IL12B: variants seen among roughly 807,000 people sequenced by gnomAD.
The protein encoded by IL12B is interleukin 12B, also known as interleukin-12 subunit beta.
In IL12B, 27 loss-of-function variants were observed where a neutral mutation model predicts 39.2. The ratio of observed to expected loss-of-function variants is 0.69; its 90% CI spans 0.51 to 0.95. The LOEUF (loss-of-function observed/expected upper bound fraction) is 0.95. Among genes scored for constraint, IL12B ranks in the 40% least tolerant of loss-of-function variants. The pLI is 0.00. For synonymous variants in IL12B, 142 were observed against 152.1 expected, an observed-to-expected ratio of 0.93 and a Z score of 0.49; for missense variants, 351 against 397.6, an observed-to-expected ratio of 0.88 and a Z score of 1.00.
At chr5:159,321,638 T>G (rs1754095887) in intron 4 of IL12B, among the ~76,000 whole-genome samples, 1 of 152,146 alleles carries the variant, frequency 6.6e-6, no homozygotes, top group African/African-American at 2.4e-5. Context: ...GTACCATGTT[T>G]TATTTAACCA....
rs71577371 is a variant in IL12B, at chr5:159,323,902, G to GAAA, written c.89-576_89-574dup. Reference sequence around the variant, plus strand: ...CCTTACATTTGACTGAGGATTAAATGAAAAAAAAAAAAAGCACGTAAAGTA... The same window carrying GAAA: ...CCTTACATTTGACTGAGGATTAAATGAAAAAAAAAAAAAAAAGCACGTAAAGTA... On this transcript the variant is annotated intron_variant, in intron 2 of 7. Transcript: ENST00000231228. Among the ~76,000 whole-genome samples, 257 of 138,258 alleles carry GAAA rather than the reference G, an allele frequency of 1.9e-3. 2 individuals are homozygous for GAAA. Among genetic ancestry groups the GAAA allele is most frequent in the East Asian group, 5.7e-3 (27 of 4,776 alleles). The allele number at this position is 138,258 out of a possible 152,430, so 90.7% of individuals were successfully genotyped here.
chr5:159,329,692 TC>T (rs1327631997), intron 1 of IL12B, among the ~76,000 whole-genome samples: 1 of 151,928 alleles, frequency 6.6e-6, no homozygotes, highest in East Asian at 1.9e-4. Flanking sequence ...TTACCCACAT[TC>T]CATCTAGTAT....
chr5:159,326,783 C>T lies in IL12B; in HGVS notation c.1-1G>A. ...AGATGACCAACTGCTGGTGACACATCTATAAGAAGGGAGAGAAGCAGGGGG... is the reference window on the plus strand; with the variant it reads ...AGATGACCAACTGCTGGTGACACATTTATAAGAAGGGAGAGAAGCAGGGGG... On this transcript the variant is annotated splice_acceptor_variant, in intron 1 of 7. Transcript: ENST00000231228. LOFTEE classifies it low-confidence loss of function (5UTR_SPLICE). 6.3e-7 allele frequency: 1 copy of T among 1,595,098 alleles called. No individual in the cohort carries two copies. Among genetic ancestry groups the T allele is most frequent in the Non-Finnish European group, 8.6e-7 (1 of 1,163,108 alleles).
In IL12B at chr5:159,320,526, G is replaced by A. The variant is rs373640168; in HGVS notation, c.483-6C>T. ...CCCCTTGGGGGTCAGAAGAGCTGAA[G>A]TCAAAGACAGAAATTAGCCTGTGTT... On this transcript the variant is annotated splice_region_variant and splice_polypyrimidine_tract_variant and intron_variant, in intron 4 of 7. Coordinates refer to ENST00000231228, the MANE Select transcript of IL12B (RefSeq NM_002187.3). 158 of 1,611,964 alleles carry A rather than the reference G, an allele frequency of 9.8e-5. No homozygotes were observed. The highest frequency in any genetic ancestry group is 1.3e-4 in the Non-Finnish European group (153 of 1,178,172).
At chr5:159,319,054 G>T (rs1436104223) in intron 5 of IL12B, among the ~76,000 whole-genome samples, 161 bp from the exon 6 acceptor site, 1 of 152,208 alleles carries the variant, frequency 6.6e-6, no homozygotes, top group East Asian at 1.9e-4. Flanking sequence ...CACCTCTGCC[G>T]CAGGTGCTCA....
rs919766 is a variant in IL12B at position 159,320,556 on chromosome 5, A to C, written c.483-36T>G. 176,970 of 1,547,022 alleles carry C rather than the reference A, an allele frequency of 0.11. 11,373 individuals are homozygous for C. Among genetic ancestry groups the C allele is most frequent in the African/African-American group, 0.22 (16,432 of 73,570 alleles). ...AGACAGAAATTAGCCTGTGTTACAC[A>C]TTGGGGAGAGAGTTCCTAGTGATTG... is the stretch of plus-strand genomic sequence containing the variant. On this transcript the variant is annotated intron_variant, in intron 4 of 7. Transcript: ENST00000231228.
At chr5:159,316,587 C>T in intron 7 of IL12B, 98 bp downstream of exon 7, 2 of 1,337,194 alleles carry the variant, frequency 1.5e-6, no homozygotes, top group Non-Finnish European at 2.1e-6. Flanking sequence ...GCTGGCCACT[C>T]CATCCCCCTT....
chr5:159,329,793 C>T (rs1754246520), intron 1 of IL12B, among the ~76,000 whole-genome samples: 2 of 152,012 alleles, frequency 1.3e-5, no homozygotes, highest in Admixed American at 1.3e-4. Flanking sequence ...CACAATTTTA[C>T]CTGGGCAAGT....
At chr5:159,327,588 C>A (rs3212218) in intron 1 of IL12B, among the ~76,000 whole-genome samples, 40,731 of 152,058 alleles carry the variant, frequency 0.27, 6,011 homozygotes, top group East Asian at 0.48. Flanking sequence ...ACGGCTGAGT[C>A]CCACCCCCAG....
chr5:159,329,573 A>G (rs1754243806), intron 1 of IL12B, among the ~76,000 whole-genome samples: 1 of 152,132 alleles, frequency 6.6e-6, no homozygotes, highest in South Asian at 2.1e-4. Context: ...CTTGTTTTGC[A>G]CTTTACCCCC....
intron 2 of IL12B, among the ~76,000 whole-genome samples, chr5:159,325,015 G>C (rs35632601): frequency 5.0e-4 from 76 of 152,000 alleles, no homozygotes; most frequent in African/African-American, 1.8e-3. Context: ...TGAAGAGCAT[G>C]GTTACTTTCC....
rs975766918 is a variant in IL12B at position 159,315,548 on chromosome 5, T to C, written c.*553A>G. 2.0e-5 allele frequency: 3 copies of C among 152,698 alleles called. No individual in the cohort carries two copies. The highest frequency in any genetic ancestry group is 7.2e-5 in the African/African-American group (3 of 41,446). The allele number at this position is 152,698 out of a possible 1,614,324, so 9.5% of individuals were successfully genotyped here. A position where few individuals can be genotyped will look rare whatever the true frequency, so the allele number is the denominator to read the frequency against. ...AGACATGGGAACTAGCATCTTGTTC[T>C]CCTGGATCTTCTCAACAGGTTTGCA... On this transcript the variant is annotated 3_prime_UTR_variant, in exon 8 of 8. Transcript: ENST00000231228.
At position 159,315,328 on chromosome 5, in the gene IL12B, GA is replaced by G. The variant is rs1391285614; in HGVS notation, c.*772del. The G allele has an allele frequency of 6.6e-6, 1 of 152,112 alleles. No individual in the cohort carries two copies. The highest frequency in any genetic ancestry group is 2.4e-5 in the African/African-American group (1 of 41,410). 9.4% of individuals were successfully genotyped at this position (152,112 alleles called of 1,614,324 possible). On this transcript the variant is annotated 3_prime_UTR_variant, in exon 8 of 8. Coordinates refer to ENST00000231228, the MANE Select transcript of IL12B (RefSeq NM_002187.3). The stretch of plus-strand genomic sequence containing the variant: ...CTGCCTCATCCTCCTGAACAGCTGG[GA>G]CCACAAGCATGAGCCACCACGCCTG...
At chr5:159,330,264 G>A (rs1754255102) in intron 1 of IL12B, among the ~76,000 whole-genome samples, 168 bp downstream of exon 1, 2 of 152,176 alleles carry the variant, frequency 1.3e-5, no homozygotes, top group African/African-American at 2.4e-5. Context: ...GGTCCCTAGA[G>A]TACTAAGTTT....
chr5:159,318,704 A>G, intron 6 of IL12B, 32 bp downstream of exon 6: 2 of 1,610,848 alleles, frequency 1.2e-6, no homozygotes, highest in Non-Finnish European at 1.7e-6. Flanking sequence ...AAAACTGACC[A>G]AGGAATATAC....
intron 5 of IL12B, 25 bp downstream of exon 5, chr5:159,320,281 G>C: frequency 6.3e-7 from 1 of 1,579,920 alleles, no homozygotes; most frequent in Non-Finnish European, 8.7e-7. Context: ...TCCTTATGGA[G>C]CACATATAAT....
At chr5:159,329,687 C>T (rs1754245179) in intron 1 of IL12B, among the ~76,000 whole-genome samples, 1 of 151,884 alleles carries the variant, frequency 6.6e-6, no homozygotes. Flanking sequence ...AGAGGTTACC[C>T]ACATTCCATC....
chr5:159,322,764 G>T (rs1754114994), intron 3 of IL12B, among the ~76,000 whole-genome samples: 1 of 152,124 alleles, frequency 6.6e-6, no homozygotes, highest in Non-Finnish European at 1.5e-5. Context: ...TACACTATCG[G>T]TTAATTTCCA....
chr5:159,320,567 A>T (rs781239114), intron 4 of IL12B, 47 bp from the exon 5 acceptor site: 2 of 1,492,706 alleles, frequency 1.3e-6, no homozygotes, highest in South Asian at 2.3e-5. Flanking sequence ...TTGGGGAGAG[A>T]GTTCCTAGTG....
Sources: gnomAD v4.1 joint callset for allele counts (sites outside exome capture counted in the v4.1 genomes callset) on GRCh38, gnomAD v4.1.1 for gene constraint, MANE v1.5 for transcripts, NCBI Gene and HGNC (gene_info 2026-07-23, HGNC 2026-07-21) for gene names.